Variants in RARB observed in about 807,000 individuals in gnomAD.
The protein encoded by RARB is HBV-activated protein.
Under a neutral mutation model 51.9 loss-of-function variants are expected in RARB, and 17 were observed. That is an observed-to-expected ratio of 0.33 (90% CI 0.22 to 0.49). The LOEUF (loss-of-function observed/expected upper bound fraction) is 0.49, where lower values mean the gene tolerates loss of function less well. RARB is among the 20% of genes least tolerant of loss of function. The pLI is 0.99. For missense variants in RARB, 369 were observed against 550.8 expected (o/e 0.67, Z 3.30); for synonymous variants, 215 against 195.4 (o/e 1.10, Z -0.84).
chr3:25,139,412 C>A (rs573094227), intron 4 of RARB, among the ~76,000 whole-genome samples: 2 of 152,136 alleles, frequency 1.3e-5, no homozygotes, highest in Non-Finnish European at 2.9e-5. Flanking sequence ...ATTGCTGATA[C>A]GGAGAAAGTT....
upstream of RARB, among the ~76,000 whole-genome samples, chr3:25,425,337 T>C (rs1389364029): frequency 6.6e-6 from 1 of 152,190 alleles, no homozygotes; most frequent in Non-Finnish European, 1.5e-5. Context: ...AATGAAGAAT[T>C]TGGAGACAGA....
chr3:24,981,234 A>T (rs1180201534), intron 2 of RARB, among the ~76,000 whole-genome samples: 1 of 152,170 alleles, frequency 6.6e-6, no homozygotes, highest in Non-Finnish European at 1.5e-5. Context: ...TCAGGGACCC[A>T]CTTGAGGAGG....
intron 2 of RARB, among the ~76,000 whole-genome samples, chr3:24,971,851 T>C (rs974681995): frequency 4.6e-5 from 7 of 152,018 alleles, no homozygotes; most frequent in Admixed American, 4.6e-4. Flanking sequence ...CATTGGATAG[T>C]CTCAATATTA....
intron 1 of RARB, among the ~76,000 whole-genome samples, chr3:25,456,375 C>T (rs1013721627): frequency 2.6e-5 from 4 of 151,916 alleles, no homozygotes; most frequent in African/African-American, 9.7e-5. Flanking sequence ...AAGAAAAGGA[C>T]CTCTGATAAA....
chr3:24,969,334 C>T (rs953876744), intron 2 of RARB, among the ~76,000 whole-genome samples: 1 of 152,018 alleles, frequency 6.6e-6, no homozygotes, highest in Non-Finnish European at 1.5e-5. Context: ...TCTAAATGCT[C>T]TGTGAGGGGC....
At chr3:24,832,628 A>AATATATATATATATATATAT (rs10526610) in intron 1 of RARB, among the ~76,000 whole-genome samples, 1,420 of 87,824 alleles carry the variant, frequency 0.016, 55 homozygotes, top group South Asian at 0.038. Flanking sequence ...ATTGAGTCCC[A>AATATATATATATATATATAT]ATATATATAT....
intron 3 of RARB, among the ~76,000 whole-genome samples, chr3:25,120,952 G>A (rs369276259): frequency 1.9e-4 from 29 of 152,262 alleles, no homozygotes; most frequent in Middle Eastern, 6.8e-3. Flanking sequence ...GGCCCACAGA[G>A]CCTATTTATT....
intron 3 of RARB, among the ~76,000 whole-genome samples, chr3:25,131,132 C>A (rs1009155889): frequency 6.6e-6 from 1 of 151,852 alleles, no homozygotes; most frequent in Non-Finnish European, 1.5e-5. Flanking sequence ...AAGGGAAAGT[C>A]ACTTGAGATC....
chr3:25,164,020 C>T (rs576266833), intron 4 of RARB, among the ~76,000 whole-genome samples: 1 of 152,228 alleles, frequency 6.6e-6, no homozygotes, highest in East Asian at 1.9e-4. Flanking sequence ...GAACAGACTA[C>T]AAGGAGTGCA....
At chr3:25,572,440 G>A (rs1700747189) in intron 4 of RARB, among the ~76,000 whole-genome samples, 1 of 152,116 alleles carries the variant, frequency 6.6e-6, no homozygotes, top group Admixed American at 6.5e-5. Flanking sequence ...TATTACAGAT[G>A]CAAAAGCCAG....
At chr3:24,928,923 A>G (rs1695382146) in intron 2 of RARB, among the ~76,000 whole-genome samples, 1 of 152,064 alleles carries the variant, frequency 6.6e-6, no homozygotes, top group Non-Finnish European at 1.5e-5. Context: ...GTACTTAGAA[A>G]TACCAAACTT....
chr3:25,458,144 T>A (rs1172424726), intron 1 of RARB, among the ~76,000 whole-genome samples: 2 of 152,186 alleles, frequency 1.3e-5, no homozygotes, highest in East Asian at 3.8e-4. Flanking sequence ...ATAATTACAC[T>A]TCAGTAATGT....
At chr3:25,000,077 A>G (rs921017391) in intron 2 of RARB, among the ~76,000 whole-genome samples, 1 of 152,114 alleles carries the variant, frequency 6.6e-6, no homozygotes, top group African/African-American at 2.4e-5. Context: ...GGCTTCAATC[A>G]TTAGAATGAG....
intron 4 of RARB, among the ~76,000 whole-genome samples, chr3:25,138,631 T>C (rs1354732367): frequency 1.3e-5 from 2 of 152,168 alleles, no homozygotes; most frequent in Non-Finnish European, 2.9e-5. Flanking sequence ...TTCAAGATTA[T>C]GTTTATTACA....
chr3:25,034,134 A>T (rs1228174587), intron 2 of RARB, among the ~76,000 whole-genome samples: 2 of 152,082 alleles, frequency 1.3e-5, no homozygotes, highest in African/African-American at 4.8e-5. Flanking sequence ...ACATGGTGAA[A>T]CCCCGTCTCT....
intron 5 of RARB, among the ~76,000 whole-genome samples, chr3:25,304,130 C>G (rs1704103197): frequency 6.6e-6 from 1 of 152,118 alleles, no homozygotes. Flanking sequence ...GAACCCAAAA[C>G]CCAAGCATCC....
chr3:25,244,127 G>A (rs1243446762), intron 5 of RARB, among the ~76,000 whole-genome samples: 1 of 152,102 alleles, frequency 6.6e-6, no homozygotes, highest in Non-Finnish European at 1.5e-5. Context: ...TCTGATAGTA[G>A]TTTGTGTTTC....
chr3:25,415,188 G>C (rs919917282), intron 5 of RARB, among the ~76,000 whole-genome samples: 3 of 152,154 alleles, frequency 2.0e-5, no homozygotes, highest in Non-Finnish European at 4.4e-5. Flanking sequence ...CCAAAGAATA[G>C]AAGTTGTAAA....
chr3:25,359,195 T>C (rs543286324), intron 5 of RARB, among the ~76,000 whole-genome samples: 18 of 152,308 alleles, frequency 1.2e-4, no homozygotes, highest in Non-Finnish European at 2.1e-4. Context: ...GACGTCTTCC[T>C]GGTTTAGTCT....
Sources: allele counts gnomAD v4.1 joint callset (sites outside exome capture counted in the v4.1 genomes callset), GRCh38; gene constraint gnomAD v4.1.1; transcripts MANE v1.5; gene names NCBI Gene and HGNC (gene_info 2026-07-23, HGNC 2026-07-21).